DGKB: variants seen among roughly 807,000 people sequenced by gnomAD.
DGKB encodes the protein 90 kDa diacylglycerol kinase.
In DGKB, 67 loss-of-function variants were observed where a neutral mutation model predicts 114.3. The observed-to-expected ratio is 0.59, with a 90% CI of 0.48 to 0.72. The LOEUF is 0.72. Among genes scored for constraint, DGKB ranks in the 30% least tolerant of loss-of-function variants. The probability of loss-of-function intolerance (pLI) is 0.00; values close to 1 mark genes in which losing one functional copy is unlikely to be tolerated. For synonymous variants in DGKB, 398 were observed against 323.1 expected, an observed-to-expected ratio of 1.23 and a Z score of -2.49; for missense variants, 907 against 975.2, an observed-to-expected ratio of 0.93 and a Z score of 0.93.
chr7:14,489,943 A>G, intron 20 of DGKB, among the ~76,000 whole-genome samples: 1 of 152,196 alleles, frequency 6.6e-6, no homozygotes, highest in East Asian at 1.9e-4. Flanking sequence ...GGAGCTGGAT[A>G]GTGTGGTGGA....
intron 13 of DGKB, among the ~76,000 whole-genome samples, chr7:14,636,687 C>A (rs1188863561): frequency 6.6e-6 from 1 of 151,832 alleles, no homozygotes; most frequent in East Asian, 1.9e-4. Flanking sequence ...CAGATAGAAT[C>A]TACCTGGCGG....
chr7:14,802,070 A>G (rs182190374), intron 2 of DGKB, among the ~76,000 whole-genome samples: 17 of 152,206 alleles, frequency 1.1e-4, no homozygotes, highest in Middle Eastern at 6.8e-3. Flanking sequence ...CCTGACTAAT[A>G]TGTAATATTA....
intron 23 of DGKB, among the ~76,000 whole-genome samples, chr7:14,326,049 T>C (rs558448682): frequency 2.9e-4 from 44 of 150,982 alleles, no homozygotes; most frequent in Non-Finnish European, 1.2e-4. Flanking sequence ...CTGGCAAAGA[T>C]AATTAGGTCA....
intron 25 of DGKB, among the ~76,000 whole-genome samples, chr7:14,157,481 A>C (rs1783191579): frequency 6.6e-6 from 1 of 151,970 alleles, no homozygotes; most frequent in Admixed American, 6.6e-5. Flanking sequence ...AATCATTGTG[A>C]AGACTTAAAA....
intron 2 of DGKB, among the ~76,000 whole-genome samples, chr7:14,837,133 G>C (rs539475231): frequency 6.6e-6 from 1 of 152,166 alleles, no homozygotes; most frequent in East Asian, 1.9e-4. Context: ...ATAAAACACA[G>C]ATATATTAAG....
At chr7:14,220,871 ATGT>A (rs1432265680) in intron 23 of DGKB, among the ~76,000 whole-genome samples, 2 of 151,224 alleles carry the variant, frequency 1.3e-5, no homozygotes, top group Non-Finnish European at 3.0e-5. Flanking sequence ...TCTTTCAATG[ATGT>A]TTTGCAGTTT....
At chr7:14,397,419 T>G (rs1224991525) in intron 21 of DGKB, among the ~76,000 whole-genome samples, 1 of 152,246 alleles carries the variant, frequency 6.6e-6, no homozygotes, top group Admixed American at 6.5e-5. Flanking sequence ...TTGTTAGAAA[T>G]ATTCTGTAAG....
chr7:14,236,459 A>G (rs1403602041), intron 23 of DGKB, among the ~76,000 whole-genome samples: 1 of 151,932 alleles, frequency 6.6e-6, no homozygotes, highest in East Asian at 1.9e-4. Context: ...TAATAACACT[A>G]AAGAAGAAAA....
chr7:14,374,472 C>T (rs546829953), intron 21 of DGKB, among the ~76,000 whole-genome samples: 1 of 152,298 alleles, frequency 6.6e-6, no homozygotes, highest in Admixed American at 6.5e-5. Context: ...CCATTAGAAT[C>T]ATTTGCAAAC....
intron 23 of DGKB, among the ~76,000 whole-genome samples, chr7:14,250,723 G>C (rs993592708): frequency 2.0e-5 from 3 of 152,086 alleles, no homozygotes; most frequent in African/African-American, 7.2e-5. Context: ...TGAAGATAAT[G>C]GGGTATTGAA....
At chr7:14,788,741 A>G (rs1286269285) in intron 2 of DGKB, among the ~76,000 whole-genome samples, 2 of 151,872 alleles carry the variant, frequency 1.3e-5, no homozygotes, top group Non-Finnish European at 2.9e-5. Flanking sequence ...GTCTCCCCTA[A>G]TGCTTCCCTG....
At chr7:14,916,117 A>G (rs1784227045) in intron 1 of DGKB, among the ~76,000 whole-genome samples, 1 of 91,556 alleles carries the variant, frequency 1.1e-5, no homozygotes, top group Non-Finnish European at 1.8e-5. Flanking sequence ...TTGAAACAGT[A>G]TACTATACTG....
At chr7:14,855,515 G>A (rs531719129) in intron 1 of DGKB, among the ~76,000 whole-genome samples, 2 of 152,082 alleles carry the variant, frequency 1.3e-5, no homozygotes, top group African/African-American at 4.8e-5. Context: ...ATAAGCACAC[G>A]TGCATTCACA....
intron 2 of DGKB, among the ~76,000 whole-genome samples, chr7:14,825,016 G>GTATATATATATATATATATATATATATA (rs67135250): frequency 1.1e-5 from 1 of 92,382 alleles, no homozygotes; most frequent in Non-Finnish European, 2.4e-5. Context: ...GTATGTGTAT[G>GTATATATATATATATATATATATATATA]TATATATATA....
At chr7:14,520,223 T>C (rs1789534339) in intron 20 of DGKB, among the ~76,000 whole-genome samples, 1 of 150,448 alleles carries the variant, frequency 6.6e-6, no homozygotes, top group African/African-American at 2.4e-5. Context: ...TTTTTTTTTT[T>C]TTTGCAGGAG....
Position 14,743,893 on chromosome 7 carries a change from T to A in DGKB, c.169-7699A>T, listed in dbSNP as rs908920946. Among the ~76,000 whole-genome samples, 5 of 152,130 alleles carry A rather than the reference T, an allele frequency of 3.3e-5. No homozygotes were observed. In the East Asian group the frequency reaches 9.7e-4, roughly 29 times the overall value. The stretch of plus-strand genomic sequence containing the variant: ...AGCTATAAAAGTTTGATGGGTGTTC[T>A]CCAATACAAGTTTCTGATAACTTTG... On this transcript the variant is annotated intron_variant, in intron 4 of 25. Coordinates refer to ENST00000402815, the MANE Select transcript of DGKB (RefSeq NM_001350709.2).
intron 23 of DGKB, among the ~76,000 whole-genome samples, chr7:14,322,444 A>T (rs953490224): frequency 6.6e-6 from 1 of 152,204 alleles, no homozygotes; most frequent in Non-Finnish European, 1.5e-5. Context: ...GATATGAAAA[A>T]AGAAATTATT....
At chr7:14,497,806 C>T (rs1214368549) in intron 20 of DGKB, among the ~76,000 whole-genome samples, 1 of 151,872 alleles carries the variant, frequency 6.6e-6, no homozygotes, top group East Asian at 1.9e-4. Context: ...TATTTGAACA[C>T]AGCTCAATTG....
At chr7:14,420,466 T>A (rs1039348464) in intron 21 of DGKB, among the ~76,000 whole-genome samples, 1 of 152,062 alleles carries the variant, frequency 6.6e-6, no homozygotes, top group Non-Finnish European at 1.5e-5. Flanking sequence ...TATTACAAAC[T>A]GAGCAGATTT....
Sources: gnomAD v4.1 joint callset for allele counts (sites outside exome capture counted in the v4.1 genomes callset) on GRCh38, gnomAD v4.1.1 for gene constraint, MANE v1.5 for transcripts, NCBI Gene and HGNC (gene_info 2026-07-23, HGNC 2026-07-21) for gene names.